The following GSDMB variants were observed in gnomAD, a reference collection of about 807,000 sequenced individuals.
GSDMB encodes the protein gasdermin B.
A neutral mutation model predicts 42.9 loss-of-function variants in GSDMB; 32 were observed. The ratio of observed to expected loss-of-function variants is 0.75; its 90% confidence interval spans 0.56 to 1.00. The LOEUF is 1.00. Among genes scored for constraint, GSDMB ranks in the 50% least tolerant of loss-of-function variants. The pLI, the probability that GSDMB is intolerant of heterozygous loss-of-function variation, is 0.00. For missense variants in GSDMB, 468 were observed against 498.5 expected (o/e 0.94, Z 0.58); for synonymous variants, 175 against 193.7 (o/e 0.90, Z 0.80).
In GSDMB at chr17:39,905,850, G is replaced by A. The variant is rs745908080; in HGVS notation, c.1024C>T (p.Leu342=). ...KAILDFLDAL[L]ELSEEQQFVA... is the part of the protein sequence containing the mutation. ...CTACAGCGAGACCCTTCCTCACCTAGCAGGGCATCCAGGAAGTCCAGAATG... is the reference window on the plus strand; with the variant it reads ...CTACAGCGAGACCCTTCCTCACCTAACAGGGCATCCAGGAAGTCCAGAATG... Residue 342 remains leucine (L), a synonymous_variant, in exon 9 of 11, where the codon CTA becomes TTA. Coordinates refer to ENST00000418519, the MANE Select transcript of GSDMB (RefSeq NM_001165958.2). 2 of 1,613,588 alleles carry A rather than the reference G, an allele frequency of 1.2e-6. No homozygotes were observed. Among genetic ancestry groups the A allele is most frequent in the East Asian group, 4.5e-5 (2 of 44,874 alleles).
intron 2 of GSDMB, among the ~76,000 whole-genome samples, chr17:39,915,406 T>C (rs930618079): frequency 2.0e-5 from 3 of 152,228 alleles, no homozygotes; most frequent in African/African-American, 7.2e-5. Context: ...TTAAGTTTGG[T>C]TTCACCTCTG....
Position 39,905,866 on chromosome 17 carries a change from G to C in GSDMB, c.1008C>G (p.Asp336Glu). The change falls in exon 9 of 11, where the codon GAC (aspartate) becomes GAG (glutamate). Residue 336 changes from aspartate to glutamate, a missense_variant. Physicochemically the swap from Asp to Glu is conservative, Grantham distance 45. Transcript: ENST00000418519. ...LVEARAKAIL[D>E]FLDALLELSE... The stretch of plus-strand genomic sequence containing the variant: ...CCTCACCTAGCAGGGCATCCAGGAA[G>C]TCCAGAATGGCTTTTGCACGCGCTT... 6.2e-7 allele frequency: 1 copy of C among 1,614,010 alleles called. No individual in the cohort carries two copies. The highest frequency in any genetic ancestry group is 8.5e-7 in the Non-Finnish European group (1 of 1,179,950).
At chr17:39,912,287 T>G in intron 3 of GSDMB, 39 bp downstream of exon 3, 8 of 1,519,670 alleles carry the variant, frequency 5.3e-6, no homozygotes, top group African/African-American at 1.4e-5. Flanking sequence ...CAAGATGGGC[T>G]TCTTCCCCTC....
At chr17:39,908,480 A>T (rs1157621076) in intron 5 of GSDMB, among the ~76,000 whole-genome samples, 2 of 152,012 alleles carry the variant, frequency 1.3e-5, no homozygotes, top group Non-Finnish European at 2.9e-5. Flanking sequence ...CCCAGGTTCA[A>T]GCAATTCTCC....
chr17:39,917,012 T>G, intron 2 of GSDMB, 70 bp downstream of exon 2: 1 of 939,830 alleles, frequency 1.1e-6, no homozygotes. Context: ...CAATGGGGAA[T>G]TGAGAAGGAG....
In GSDMB at chr17:39,905,868, C is replaced by G; in HGVS notation, c.1006G>C (p.Asp336His). 6.2e-7 allele frequency: 1 copy of G among 1,613,970 alleles called. No individual in the cohort carries two copies. The highest frequency in any genetic ancestry group is 8.5e-7 in the Non-Finnish European group (1 of 1,179,936). The change falls in exon 9 of 11, where the codon GAC becomes CAC. Residue 336 changes from aspartate (D) to histidine (H), a missense_variant. Transcript: ENST00000418519. ...LVEARAKAILDFLDALLELSE... is the reference protein window; with the variant it reads ...LVEARAKAILHFLDALLELSE... ...TCACCTAGCAGGGCATCCAGGAAGT[C>G]CAGAATGGCTTTTGCACGCGCTTCT... is the stretch of plus-strand genomic sequence containing the variant.
In GSDMB at chr17:39,912,408, T is replaced by G. The variant is rs1397465612; in HGVS notation, c.325A>C (p.Ser109Arg). Residue 109 changes from serine (S) to arginine (R), a missense_variant, in exon 3 of 11, where the codon AGT becomes CGT. Physicochemically the swap from Ser to Arg is moderately radical, Grantham distance 110. Coordinates refer to ENST00000418519, the MANE Select transcript of GSDMB (RefSeq NM_001165958.2). Reference sequence around the variant, plus strand: ...TTCTGATGGTGGAAGCCCTGGAAACTGCCTGAAATTGTTATTTCTTTGGGT... The same window carrying G: ...TTCTGATGGTGGAAGCCCTGGAAACGGCCTGAAATTGTTATTTCTTTGGGT... ...RLPKEITISG[S>R]FQGFHHQKIK... 1.2e-6 allele frequency: 2 copies of G among 1,612,804 alleles called. No homozygotes were observed. Among genetic ancestry groups the G allele is most frequent in the Admixed American group, 3.3e-5 (2 of 59,998 alleles).
intron 2 of GSDMB, 79 bp from the exon 3 acceptor site, chr17:39,912,576 C>G: frequency 8.7e-7 from 1 of 1,146,328 alleles, no homozygotes; most frequent in South Asian, 1.3e-5. Context: ...CTGGGGCAGC[C>G]CCATCCTGGG....
Position 39,905,431 on chromosome 17 carries a change from C to G in GSDMB, c.1093G>C (p.Asp365His), listed in dbSNP as rs1411188131. Residue 365 changes from aspartate to histidine, a missense_variant, in exon 10 of 11, where the codon GAC becomes CAC. Asp to His is a moderately conservative substitution (Grantham distance 81). Transcript: ENST00000418519. ...CTCAGCCCAGGCTGTCTCACCTGGTCCTTCAACAGAGGAAGGGTCCCCTTC... is the reference window on the plus strand; with the variant it reads ...CTCAGCCCAGGCTGTCTCACCTGGTGCTTCAACAGAGGAAGGGTCCCCTTC... ...LEKGTLPLLK[D>H]QVKSVMEQNW... The G allele has an allele frequency of 8.1e-6, 13 of 1,602,566 alleles. No individual in the cohort carries two copies. Among genetic ancestry groups the G allele is most frequent in the Non-Finnish European group, 1.0e-5 (12 of 1,173,782 alleles).
Position 39,917,230 on chromosome 17 carries a change from A to C in GSDMB, c.87T>G (p.Val29=), listed in dbSNP as rs755761880. ...GGAAGCAGCGGAATCTATCAGCATCAACAAGGCTTCTAACGGCAATCATAT... is the reference window on the plus strand; with the variant it reads ...GGAAGCAGCGGAATCTATCAGCATCCACAAGGCTTCTAACGGCAATCATAT... ...GGDMIAVRSL[V]DADRFRCFHL... Residue 29 remains valine, a synonymous_variant, in exon 2 of 11, where the codon GTT becomes GTG. Transcript: ENST00000418519. 1 of 1,613,990 alleles carries C rather than the reference A, an allele frequency of 6.2e-7. No individual in the cohort carries two copies. Among genetic ancestry groups the C allele is most frequent in the African/African-American group, 1.3e-5 (1 of 74,926 alleles).
At chr17:39,907,812 G>A (rs919448886) in intron 6 of GSDMB, 1 of 201,234 alleles carries the variant, frequency 5.0e-6, no homozygotes, top group African/African-American at 2.3e-5. Context: ...GGCAGGGTGG[G>A]ACTAGACCCT....
chr17:39,904,816 G>T lies in GSDMB; in HGVS notation c.1247C>A (p.Ser416Tyr), dbSNP rs1232462082. 7 of 1,613,756 alleles carry T rather than the reference G, an allele frequency of 4.3e-6. No individual in the cohort carries two copies. In the African/African-American group the frequency reaches 8.0e-5, roughly 18 times the overall value. The change falls in exon 11 of 11, where the codon TCC (serine) becomes TAC (tyrosine). Residue 416 changes from serine to tyrosine, a missense_variant. Coordinates refer to ENST00000418519, the MANE Select transcript of GSDMB (RefSeq NM_001165958.2). Reference protein sequence around the residue: ...ELAEGPTSVSS With the variant: ...ELAEGPTSVSY ...GGGGAGAAAGGGCTTTTGTAGTTAG[G>T]AAGAGACAGAGGTAGGCCCCTCAGC...
intron 2 of GSDMB, among the ~76,000 whole-genome samples, chr17:39,915,516 G>A (rs1045906268): frequency 6.6e-6 from 1 of 151,926 alleles, no homozygotes; most frequent in African/African-American, 2.4e-5. Flanking sequence ...CCCTGTCCCT[G>A]GGGAGTAATA....
Position 39,906,971 on chromosome 17 carries a change from T to C in GSDMB, c.717A>G (p.Ser239=). The C allele has an allele frequency of 6.2e-7, 1 of 1,614,082 alleles. No individual in the cohort carries two copies. The highest frequency in any genetic ancestry group is 1.3e-5 in the African/African-American group (1 of 75,044). ...KSFPEEKDGA[S]SCLGKSLGSE... is the part of the protein sequence containing the mutation. ...GGCTATCACCCTTACCTAAACAGGA[T>C]GAAGCACCATCCTTCTCTGCAGAGA... Residue 239 remains serine (S), a synonymous_variant, in exon 7 of 11, where the codon TCA becomes TCG. Coordinates refer to ENST00000418519, the MANE Select transcript of GSDMB (RefSeq NM_001165958.2).
chr17:39,909,742 C>T lies in GSDMB; in HGVS notation c.576+14G>A. On this transcript the variant is annotated intron_variant, in intron 4 of 10. Transcript: ENST00000418519. The stretch of plus-strand genomic sequence containing the variant: ...ACACTGGCCTCCACAGTCCCTGCCT[C>T]CCAGGATCCTAACCTTGTGTTTATA... 1 of 1,611,972 alleles carries T rather than the reference C, an allele frequency of 6.2e-7. No individual in the cohort carries two copies. Among genetic ancestry groups the T allele is most frequent in the South Asian group, 1.1e-5 (1 of 91,014 alleles).
chr17:39,911,367 C>T (rs1269924420), intron 3 of GSDMB, among the ~76,000 whole-genome samples: 4 of 151,672 alleles, frequency 2.6e-5, no homozygotes, highest in Admixed American at 6.6e-5. Flanking sequence ...GTACCCGCTC[C>T]ACTCAAGGAG....
intron 3 of GSDMB, among the ~76,000 whole-genome samples, chr17:39,910,346 G>A (rs1307184354): frequency 6.6e-6 from 1 of 152,138 alleles, no homozygotes; most frequent in East Asian, 1.9e-4. Context: ...TAAAAACAAA[G>A]TGGGGCAAGA....
In GSDMB at chr17:39,906,185, TCTC is replaced by T; in HGVS notation, c.811_813del (p.Glu271del). On this transcript the variant is annotated inframe_deletion, in exon 8 of 11. Transcript: ENST00000418519. Reference sequence around the variant, plus strand: ...AGGGAGTTTAGCACATCTTTTCTCTTCTCCTCTGTCAGGTCCTTGAGGACACTC... The same window carrying T: ...AGGGAGTTTAGCACATCTTTTCTCTTCTCTGTCAGGTCCTTGAGGACACTC... 1.2e-6 allele frequency: 2 copies of T among 1,614,030 alleles called. No individual in the cohort carries two copies. Among genetic ancestry groups the T allele is most frequent in the Non-Finnish European group, 1.7e-6 (2 of 1,179,918 alleles).
chr17:39,914,855 A>C (rs933815355), intron 2 of GSDMB, among the ~76,000 whole-genome samples: 1 of 119,916 alleles, frequency 8.3e-6, no homozygotes, highest in African/African-American at 3.1e-5. Flanking sequence ...TTTTTTTTTG[A>C]GACGGAGTCT....
Sources: allele counts gnomAD v4.1 joint callset (sites outside exome capture counted in the v4.1 genomes callset), GRCh38; gene constraint gnomAD v4.1.1; transcripts MANE v1.5; gene names NCBI Gene and HGNC (gene_info 2026-07-23, HGNC 2026-07-21).